The following PACRG variants were observed in gnomAD, a reference collection of about 807,000 sequenced individuals.
PACRG encodes parkin coregulated.
A neutral mutation model predicts 29.7 loss-of-function variants in PACRG; 29 were observed. The ratio of observed to expected loss-of-function variants is 0.98; its 90% CI spans 0.73 to 1.33. PACRG has a LOEUF of 1.33. Among genes scored for constraint, PACRG ranks in the 40% most tolerant of loss-of-function variants. The pLI, the probability that PACRG is intolerant of heterozygous loss-of-function variation, is 0.00. For missense variants in PACRG, 279 were observed against 316.2 expected, an observed-to-expected ratio of 0.88 and a Z score of 0.89; for synonymous variants, 116 against 118.7, an observed-to-expected ratio of 0.98 and a Z score of 0.15.
chr6:163,071,088 G>A (rs551443856), intron 3 of PACRG, among the ~76,000 whole-genome samples: 6 of 152,108 alleles, frequency 3.9e-5, no homozygotes, highest in African/African-American at 1.2e-4. Context: ...ACCACAATAC[G>A]ATAATACCTG....
intron 4 of PACRG, among the ~76,000 whole-genome samples, chr6:163,293,205 A>G (rs895982859): frequency 1.3e-5 from 2 of 152,192 alleles, no homozygotes; most frequent in Non-Finnish European, 2.9e-5. Context: ...TCAACAATGA[A>G]CTATTGATTT....
At chr6:163,131,614 C>G (rs1037349133) in intron 4 of PACRG, among the ~76,000 whole-genome samples, 2 of 152,100 alleles carry the variant, frequency 1.3e-5, no homozygotes, top group African/African-American at 2.4e-5. Context: ...TTTTAAGTCA[C>G]CAGGTTTGTG....
At chr6:163,019,414 T>C (rs1806397307) in intron 2 of PACRG, among the ~76,000 whole-genome samples, 1 of 152,218 alleles carries the variant, frequency 6.6e-6, no homozygotes, top group African/African-American at 2.4e-5. Context: ...TTTACTCCTC[T>C]GGACCTGGGC....
At chr6:162,978,664 A>T (rs910766326) in intron 2 of PACRG, among the ~76,000 whole-genome samples, 12 of 152,162 alleles carry the variant, frequency 7.9e-5, no homozygotes. Flanking sequence ...TGCCCTTCTA[A>T]AAAAAACTGT....
intron 4 of PACRG, among the ~76,000 whole-genome samples, chr6:163,132,138 G>T (rs1816765172): frequency 6.6e-6 from 1 of 152,060 alleles, no homozygotes; most frequent in Admixed American, 6.6e-5. Flanking sequence ...AATATCTGTG[G>T]ATCTGAAAAT....
chr6:162,783,641 A>T (rs561343212), intron 1 of PACRG, among the ~76,000 whole-genome samples: 33 of 152,126 alleles, frequency 2.2e-4, no homozygotes, highest in Middle Eastern at 3.7e-3. Context: ...TCTATTTTAA[A>T]ATATGCTATG....
intron 4 of PACRG, among the ~76,000 whole-genome samples, chr6:163,290,782 C>T (rs1196755100): frequency 2.0e-5 from 3 of 152,192 alleles, no homozygotes; most frequent in Non-Finnish European, 4.4e-5. Context: ...AAGCTAGTGC[C>T]TTCCACACAA....
intron 2 of PACRG, among the ~76,000 whole-genome samples, chr6:162,967,432 T>A (rs1801135064): frequency 6.6e-6 from 1 of 152,206 alleles, no homozygotes; most frequent in South Asian, 2.1e-4. Flanking sequence ...ATGTCACATC[T>A]ACTGTGTGGT....
chr6:162,938,039 C>T (rs2128114578), intron 2 of PACRG, among the ~76,000 whole-genome samples: 1 of 152,122 alleles, frequency 6.6e-6, no homozygotes, highest in African/African-American at 2.4e-5. Context: ...GACTTTTATC[C>T]CTCACCCCCT....
intron 2 of PACRG, among the ~76,000 whole-genome samples, chr6:163,056,087 C>T (rs1810565089): frequency 6.6e-6 from 1 of 152,156 alleles, no homozygotes; most frequent in South Asian, 2.1e-4. Flanking sequence ...TTAGCATGGC[C>T]ACAATGAAGA....
intron 1 of PACRG, among the ~76,000 whole-genome samples, chr6:162,737,145 A>AT (rs1217798192): frequency 6.6e-6 from 1 of 152,108 alleles, no homozygotes; most frequent in Non-Finnish European, 1.5e-5. Flanking sequence ...GAATGTGCCT[A>AT]TTCTAGCTCC....
intron 2 of PACRG, among the ~76,000 whole-genome samples, chr6:162,861,534 G>A (rs1791860479): frequency 6.6e-6 from 1 of 152,054 alleles, no homozygotes; most frequent in South Asian, 2.1e-4. Flanking sequence ...AAGTATGGCA[G>A]GTGTTCTTAG....
chr6:162,767,525 GGT>G (rs1294731180), intron 1 of PACRG, among the ~76,000 whole-genome samples: 1 of 68,444 alleles, frequency 1.5e-5, no homozygotes, highest in Non-Finnish European at 2.5e-5. Flanking sequence ...CATATCCTTA[GGT>G]GTTTTTTTTT....
At chr6:163,025,137 T>A (rs1807006609) in intron 2 of PACRG, among the ~76,000 whole-genome samples, 1 of 152,174 alleles carries the variant, frequency 6.6e-6, no homozygotes, top group Non-Finnish European at 1.5e-5. Flanking sequence ...TCATACTGAA[T>A]GGGCAAAAGC....
chr6:163,299,949 G>A (rs961103478), intron 4 of PACRG, among the ~76,000 whole-genome samples: 1 of 152,306 alleles, frequency 6.6e-6, no homozygotes, highest in Admixed American at 6.5e-5. Flanking sequence ...AAGTCTTTAA[G>A]TCCAGGGTCT....
At chr6:163,095,348 G>A in intron 4 of PACRG, 3 of 985,338 alleles carry the variant, frequency 3.0e-6, no homozygotes, top group Non-Finnish European at 3.6e-6. Context: ...CCCTGGTTGC[G>A]CCTGCCCGGA....
chr6:162,787,606 A>G (rs1328457609), intron 1 of PACRG, among the ~76,000 whole-genome samples: 6 of 139,292 alleles, frequency 4.3e-5, no homozygotes, highest in African/African-American at 1.3e-4. Context: ...ATATATATAT[A>G]TATATATATA....
chr6:162,911,492 A>AAC, intron 2 of PACRG, among the ~76,000 whole-genome samples: 1 of 152,332 alleles, frequency 6.6e-6, no homozygotes, highest in East Asian at 1.9e-4. Flanking sequence ...GTTTTTGAAA[A>AAC]ATATATTGAG....
chr6:162,793,141 T>C, intron 1 of PACRG, among the ~76,000 whole-genome samples: 1 of 152,184 alleles, frequency 6.6e-6, no homozygotes, highest in East Asian at 1.9e-4. Flanking sequence ...CATTTTACAG[T>C]CCATTTTCAA....
Sources: gnomAD v4.1 joint callset for allele counts (sites outside exome capture counted in the v4.1 genomes callset) on GRCh38, gnomAD v4.1.1 for gene constraint, MANE v1.5 for transcripts, NCBI Gene and HGNC (gene_info 2026-07-23, HGNC 2026-07-21) for gene names.